The following LIN52 variants were observed in gnomAD, a reference collection of about 807,000 sequenced individuals.
The protein encoded by LIN52 is protein lin-52 homolog.
A neutral mutation model predicts 18.5 loss-of-function variants in LIN52; 4 were observed. The ratio of observed to expected loss-of-function variants is 0.22; its 90% CI spans 0.11 to 0.49. LIN52 has a LOEUF of 0.49. Among genes scored for constraint, LIN52 ranks in the 20% least tolerant of loss-of-function variants. LIN52 has a pLI of 0.97. For synonymous variants in LIN52, 34 were observed against 45.5 expected (o/e 0.75, Z 1.02); for missense variants, 102 against 139.5 (o/e 0.73, Z 1.35).
chr14:74,111,973 G>A (rs1595157883), intron 5 of LIN52, among the ~76,000 whole-genome samples: 2 of 151,714 alleles, frequency 1.3e-5, no homozygotes, highest in Non-Finnish European at 2.9e-5. Context: ...CTCCGCCTCC[G>A]TGGTTCAAGC....
intron 5 of LIN52, among the ~76,000 whole-genome samples, chr14:74,140,539 C>A: frequency 6.6e-6 from 1 of 152,160 alleles, no homozygotes; most frequent in East Asian, 1.9e-4. Context: ...AATCAAATGA[C>A]CCTCTCCAGT....
intron 5 of LIN52, among the ~76,000 whole-genome samples, chr14:74,166,532 G>A (rs1455186953): frequency 6.6e-6 from 1 of 152,116 alleles, no homozygotes; most frequent in Non-Finnish European, 1.5e-5. Context: ...AAATTAAAAC[G>A]TTATTGCTCA....
At chr14:74,181,372 T>TCAAACAGC (rs1273865062) in intron 5 of LIN52, among the ~76,000 whole-genome samples, 5 of 148,942 alleles carry the variant, frequency 3.4e-5, no homozygotes, top group Non-Finnish European at 5.9e-5. Flanking sequence ...CCTAGGAGGT[T>TCAAACAGC]GAGGCTGCAG....
At position 74,199,382 on chromosome 14, in the gene LIN52, C is replaced by G. The variant is rs1463379572; in HGVS notation, c.*405C>G. On this transcript the variant is annotated 3_prime_UTR_variant, in exon 6 of 6. Coordinates refer to ENST00000555028, the MANE Select transcript of LIN52 (RefSeq NM_001024674.3). ...ATTGGATGGGTTCTTTTGAATTGTT[C>G]TTGATCTCTTAGAAAGTGTTTACGA... The G allele has an allele frequency of 6.2e-6, 1 of 162,302 alleles. No individual in the cohort carries two copies. Among genetic ancestry groups the G allele is most frequent in the African/African-American group, 2.4e-5 (1 of 41,670 alleles). The allele number at this position is 162,302 out of a possible 1,614,324, so 10.1% of individuals were successfully genotyped here. A position where few individuals can be genotyped will look rare whatever the true frequency, so the allele number is the denominator to read the frequency against.
chr14:74,103,344 G>A (rs531700182), intron 5 of LIN52, among the ~76,000 whole-genome samples: 18 of 151,792 alleles, frequency 1.2e-4, no homozygotes, highest in Non-Finnish European at 2.2e-4. Context: ...CTCCCAAAGT[G>A]CTGAGATTAC....
intron 5 of LIN52, among the ~76,000 whole-genome samples, chr14:74,125,726 A>T (rs973158710): frequency 8.5e-5 from 13 of 152,216 alleles, no homozygotes; most frequent in Non-Finnish European, 1.8e-4. Context: ...TGATGAGTTC[A>T]TGTCCTTTGT....
At chr14:74,121,653 T>G (rs7153610) in intron 5 of LIN52, among the ~76,000 whole-genome samples, 77,318 of 151,820 alleles carry the variant, frequency 0.51, 20,319 homozygotes, top group East Asian at 0.89. Context: ...ACTCAACAAG[T>G]TTGTCAGAAA....
chr14:74,114,865 T>G (rs1485586861), intron 5 of LIN52, among the ~76,000 whole-genome samples: 1 of 152,236 alleles, frequency 6.6e-6, no homozygotes, highest in Admixed American at 6.5e-5. Context: ...TTTCTTTGGC[T>G]GGTCATTAGG....
At chr14:74,104,706 C>A (rs1375807312) in intron 5 of LIN52, among the ~76,000 whole-genome samples, 1 of 149,122 alleles carries the variant, frequency 6.7e-6, no homozygotes, top group Non-Finnish European at 1.5e-5. Context: ...CTAGATCTAA[C>A]TATCAGGAAA....
chr14:74,121,443 T>C (rs533055751), intron 5 of LIN52, among the ~76,000 whole-genome samples: 1 of 152,380 alleles, frequency 6.6e-6, no homozygotes, highest in Admixed American at 6.5e-5. Flanking sequence ...ACATTTTCCT[T>C]ATTCGTTCCT....
intron 5 of LIN52, among the ~76,000 whole-genome samples, chr14:74,185,646 T>A (rs1408442270): frequency 6.6e-6 from 1 of 152,168 alleles, no homozygotes; most frequent in Admixed American, 6.5e-5. Context: ...AAATCTTGGT[T>A]CCTAATAACT....
At chr14:74,119,573 A>G (rs78112984) in intron 5 of LIN52, among the ~76,000 whole-genome samples, 3,964 of 152,270 alleles carry the variant, frequency 0.026, 165 homozygotes, top group African/African-American at 0.09. Flanking sequence ...TAGTTTTCCA[A>G]AGTGGTTATA....
intron 5 of LIN52, among the ~76,000 whole-genome samples, chr14:74,155,628 C>T (rs1378617617): frequency 6.6e-6 from 1 of 152,188 alleles, no homozygotes; most frequent in Non-Finnish European, 1.5e-5. Context: ...AAAGATTAGA[C>T]TCCGTCGTAG....
intron 5 of LIN52, among the ~76,000 whole-genome samples, chr14:74,188,440 A>G (rs2061349666): frequency 1.3e-5 from 2 of 151,974 alleles, no homozygotes; most frequent in African/African-American, 2.4e-5. Flanking sequence ...GAAGATTTGT[A>G]TTTTTTTAAA....
chr14:74,115,573 GCA>G (rs1440937548), intron 5 of LIN52, among the ~76,000 whole-genome samples: 1 of 152,084 alleles, frequency 6.6e-6, no homozygotes, highest in Non-Finnish European at 1.5e-5. Context: ...CATTAGCTTT[GCA>G]CCTATTTAGG....
chr14:74,141,132 T>C (rs2139952999), intron 5 of LIN52, among the ~76,000 whole-genome samples: 1 of 152,292 alleles, frequency 6.6e-6, no homozygotes, highest in South Asian at 2.1e-4. Flanking sequence ...ATACAAATAA[T>C]ACAAGCTCTT....
chr14:74,177,076 G>A (rs563654007), intron 5 of LIN52, among the ~76,000 whole-genome samples: 1 of 151,470 alleles, frequency 6.6e-6, no homozygotes, highest in Admixed American at 6.6e-5. Context: ...TCGGCTCACT[G>A]CAACCTCCAC....
chr14:74,191,060 G>C (rs2139594829), intron 5 of LIN52, among the ~76,000 whole-genome samples: 1 of 152,042 alleles, frequency 6.6e-6, no homozygotes, highest in African/African-American at 2.4e-5. Flanking sequence ...ATCTGACACT[G>C]AGCTGGAGTG....
intron 5 of LIN52, among the ~76,000 whole-genome samples, chr14:74,151,133 G>A (rs2061175356): frequency 6.6e-6 from 1 of 152,126 alleles, no homozygotes; most frequent in Non-Finnish European, 1.5e-5. Context: ...TCAGTAGATG[G>A]CAGTATTCCC....
Sources: gnomAD v4.1 joint callset for allele counts (sites outside exome capture counted in the v4.1 genomes callset) on GRCh38, gnomAD v4.1.1 for gene constraint, MANE v1.5 for transcripts, NCBI Gene and HGNC (gene_info 2026-07-23, HGNC 2026-07-21) for gene names.